MDM1: variants seen among roughly 807,000 people sequenced by gnomAD.
The protein encoded by MDM1 is stabilizer of axonemal microtubules 6.
Under a neutral mutation model 89.1 loss-of-function variants are expected in MDM1, and 61 were observed. The observed-to-expected ratio is 0.68, with a 90% CI of 0.56 to 0.85. The LOEUF is 0.85. Among genes scored for constraint, MDM1 ranks in the 40% least tolerant of loss-of-function variants. The pLI is 0.00. For missense variants in MDM1, 820 were observed against 846.5 expected (o/e 0.97, Z 0.39); for synonymous variants, 290 against 294.1 (o/e 0.99, Z 0.14).
At chr12:68,304,930 T>C (rs746873333) in intron 12 of MDM1, among the ~76,000 whole-genome samples, 6 of 152,260 alleles carry the variant, frequency 3.9e-5, no homozygotes, top group Non-Finnish European at 8.8e-5. Flanking sequence ...CACTTGATTA[T>C]AATGAATTAT....
chr12:68,325,213 A>T (rs1216009868), intron 4 of MDM1: 1 of 1,136,300 alleles, frequency 8.8e-7, no homozygotes, highest in African/African-American at 1.6e-5. Context: ...TATTTAGTAT[A>T]TGTGCTGCAT....
chr12:68,302,922 T>C, intron 12 of MDM1, 50 bp from the exon 13 acceptor site: 1 of 1,470,982 alleles, frequency 6.8e-7, no homozygotes, highest in Non-Finnish European at 9.0e-7. Flanking sequence ...TGTAGATATG[T>C]AAATAAATAA....
chr12:68,329,401 T>C (rs879163977), intron 2 of MDM1, among the ~76,000 whole-genome samples: 1 of 152,178 alleles, frequency 6.6e-6, no homozygotes, highest in Admixed American at 6.5e-5. Flanking sequence ...CCCATAAGTC[T>C]TTTCCTGGCT....
chr12:68,331,758 CA>C (rs1876854312), intron 1 of MDM1, among the ~76,000 whole-genome samples: 1 of 152,198 alleles, frequency 6.6e-6, no homozygotes, highest in African/African-American at 2.4e-5. Flanking sequence ...GAACTTTTAA[CA>C]TACGCTAAGA....
intron 12 of MDM1, among the ~76,000 whole-genome samples, chr12:68,303,094 T>G (rs80193897): frequency 0.024 from 3,575 of 152,076 alleles, 134 homozygotes; most frequent in African/African-American, 0.08. Context: ...AATGCAGAAC[T>G]TGGAAAAAAT....
rs1309473216 is a variant in MDM1, at chr12:68,296,929, CA to C, written c.2055del (p.Asn685LysfsTer44). The C allele has an allele frequency of 8.8e-6, 14 of 1,587,432 alleles. No individual in the cohort carries two copies. Among genetic ancestry groups the C allele is most frequent in the African/African-American group, 2.7e-5 (2 of 73,180 alleles). The part of the protein sequence containing the change: ...NLQLPQHEAF[N>X]DEDEDRLSEI... Reference sequence around the variant, plus strand: ...TATGTGACTACTGAAATACCTTCATCATTAAAGGCTTCATGTTGAGGTAACT... The same window carrying C: ...TATGTGACTACTGAAATACCTTCATCTTAAAGGCTTCATGTTGAGGTAACT... On this transcript the variant is annotated frameshift_variant, in exon 14 of 15. Coordinates refer to ENST00000682720, the MANE Select transcript of MDM1 (RefSeq NM_001354969.2). LOFTEE classifies it high-confidence loss of function.
Position 68,294,971 on chromosome 12 carries a change from CT to C in MDM1, c.*282del, listed in dbSNP as rs544184934. ...TTTGTTTATTTTTTTAGAATACTCT[CT>C]GGATAGGTGAAAATCTATCCATGAC... On this transcript the variant is annotated 3_prime_UTR_variant, in exon 15 of 15. Coordinates refer to ENST00000682720, the MANE Select transcript of MDM1 (RefSeq NM_001354969.2). 1,624 of 189,890 alleles carry C rather than the reference CT, an allele frequency of 8.6e-3. 25 individuals are homozygous for C. Among genetic ancestry groups the C allele is most frequent in the African/African-American group, 0.036 (1,506 of 42,298 alleles). The allele number at this position is 189,890 out of a possible 1,614,324, so 11.8% of individuals were successfully genotyped here.
intron 4 of MDM1, among the ~76,000 whole-genome samples, chr12:68,324,795 G>C (rs1467615387): frequency 1.3e-5 from 2 of 152,148 alleles, no homozygotes; most frequent in East Asian, 3.9e-4. Context: ...GAACATAAAT[G>C]AGAGTTTAAA....
intron 12 of MDM1, among the ~76,000 whole-genome samples, chr12:68,304,088 G>A (rs896065323): frequency 6.6e-6 from 1 of 152,044 alleles, no homozygotes; most frequent in Non-Finnish European, 1.5e-5. Flanking sequence ...CTCCAGCCAG[G>A]AAACGGAGAG....
intron 3 of MDM1, 139 bp downstream of exon 3, chr12:68,326,518 T>C: frequency 6.3e-7 from 1 of 1,577,430 alleles, no homozygotes. Context: ...AACAGCCTGT[T>C]ATCAACTATT....
chr12:68,332,249 G>A lies in MDM1; in HGVS notation c.-4C>T, dbSNP rs1178499162. On this transcript the variant is annotated 5_prime_UTR_variant, in exon 1 of 15. Coordinates refer to ENST00000682720, the MANE Select transcript of MDM1 (RefSeq NM_001354969.2). ...TCACCTTGAAGCGCACCGGCATGTC[G>A]CCCGGCGCCGGAGCCCCCGCTACTC... is the stretch of plus-strand genomic sequence containing the variant. 5.7e-6 allele frequency: 9 copies of A among 1,582,016 alleles called. No individual in the cohort carries two copies. Among genetic ancestry groups the A allele is most frequent in the South Asian group, 4.6e-5 (4 of 86,786 alleles).
Position 68,302,840 on chromosome 12 carries a change from A to G in MDM1, c.1782T>C (p.Ser594=). 1.9e-6 allele frequency: 3 copies of G among 1,594,698 alleles called. No individual in the cohort carries two copies. The highest frequency in any genetic ancestry group is 2.6e-6 in the Non-Finnish European group (3 of 1,167,656). ...KESRAVSLLT[S]PAAGIKTVDP... ...CAACTGTTTTTATACCAGCAGCTGG[A>G]GAAGTCAGTAGGGATACAGCACGAC... is the stretch of plus-strand genomic sequence containing the variant. Residue 594 remains serine (S), a synonymous_variant, in exon 13 of 15, where the codon TCT becomes TCC. Coordinates refer to ENST00000682720, the MANE Select transcript of MDM1 (RefSeq NM_001354969.2).
At chr12:68,325,720 A>G (rs912001453) in intron 3 of MDM1, 145 bp from the exon 4 acceptor site, 12 of 1,307,074 alleles carry the variant, frequency 9.2e-6, no homozygotes, top group Non-Finnish European at 1.2e-5. Context: ...CTACATGCGC[A>G]TTGTGGTACA....
At position 68,295,257 on chromosome 12, in the gene MDM1, T is replaced by C. The variant is rs1228181791; in HGVS notation, c.2172A>G (p.Thr724=). ...GATAAAGGCAACTCAGCTAGGTTTA[T>C]GTTTTACCCCAGAAATTCTCCTTCC... is the stretch of plus-strand genomic sequence containing the variant. ...KKRKENFWGK[T] The change falls in exon 15 of 15, where the codon ACA becomes ACG. Residue 724 remains threonine (T), a synonymous_variant. Coordinates refer to ENST00000682720, the MANE Select transcript of MDM1 (RefSeq NM_001354969.2). 7.5e-6 allele frequency: 12 copies of C among 1,608,368 alleles called. No individual in the cohort carries two copies. Among genetic ancestry groups the C allele is most frequent in the East Asian group, 6.7e-5 (3 of 44,738 alleles).
Position 68,295,140 on chromosome 12 carries a change from AATATTT to A in MDM1, c.*108_*113del. On this transcript the variant is annotated 3_prime_UTR_variant, in exon 15 of 15. Coordinates refer to ENST00000682720, the MANE Select transcript of MDM1 (RefSeq NM_001354969.2). ...AAGTAAACTGTTCTATTGGAAATTAAATATTTCAAAGTAGAAAACGTTAGGAAAAAC... is the reference window on the plus strand; with the variant it reads ...AAGTAAACTGTTCTATTGGAAATTAACAAAGTAGAAAACGTTAGGAAAAAC... 1 of 628,740 alleles carries A rather than the reference AATATTT, an allele frequency of 1.6e-6. No homozygotes were observed. The highest frequency in any genetic ancestry group is 2.8e-6 in the Non-Finnish European group (1 of 354,314). 38.9% of individuals were successfully genotyped at this position (628,740 alleles called of 1,614,324 possible). A position where few individuals can be genotyped will look rare whatever the true frequency, so the allele number is the denominator to read the frequency against.
chr12:68,323,284 T>C (rs1734667230), intron 4 of MDM1, 44 bp from the exon 5 acceptor site: 8 of 1,419,732 alleles, frequency 5.6e-6, no homozygotes, highest in African/African-American at 1.5e-5. Flanking sequence ...TGATTAAATA[T>C]GCGGAACTTT....
In MDM1 at chr12:68,332,315, A is replaced by G. The variant is rs748266945; in HGVS notation, c.-70T>C. On this transcript the variant is annotated 5_prime_UTR_variant, in exon 1 of 15. Transcript: ENST00000682720. ...GAAAAAGCTCCGAGGGGGCGGGGCG[A>G]TAACAGTGTTCCCTAGCAAAGCCTC... 10 of 1,498,986 alleles carry G rather than the reference A, an allele frequency of 6.7e-6. No homozygotes were observed. Among genetic ancestry groups the G allele is most frequent in the Non-Finnish European group, 8.9e-6 (10 of 1,120,566 alleles). The allele number at this position is 1,498,986 out of a possible 1,614,324, so 92.9% of individuals were successfully genotyped here.
chr12:68,320,066 C>T (rs746799927), intron 7 of MDM1, among the ~76,000 whole-genome samples: 3 of 152,202 alleles, frequency 2.0e-5, no homozygotes, highest in South Asian at 2.1e-4. Context: ...CCTAGTGTCA[C>T]GCCTAAACAC....
In MDM1 at chr12:68,296,959, A is replaced by T. The variant is rs1871481814; in HGVS notation, c.2026T>A (p.Leu676Met). ...AAGGCTTCATGTTGAGGTAACTGCA[A>T]ATTGTTCATCCTTGCTTTTCCCACT... ...HNVGKARMNN[L>M]QLPQHEAFND... The change falls in exon 14 of 15, where the codon TTG (leucine) becomes ATG (methionine). Residue 676 changes from leucine to methionine, a missense_variant. Physicochemically the swap from Leu to Met is conservative, Grantham distance 15. Coordinates refer to ENST00000682720, the MANE Select transcript of MDM1 (RefSeq NM_001354969.2). 1 of 1,594,778 alleles carries T rather than the reference A, an allele frequency of 6.3e-7. No individual in the cohort carries two copies. Among genetic ancestry groups the T allele is most frequent in the Non-Finnish European group, 8.5e-7 (1 of 1,173,082 alleles).
Sources: gnomAD v4.1 joint callset for allele counts (sites outside exome capture counted in the v4.1 genomes callset) on GRCh38, gnomAD v4.1.1 for gene constraint, MANE v1.5 for transcripts, NCBI Gene and HGNC (gene_info 2026-07-23, HGNC 2026-07-21) for gene names.